Variants in ZDHHC2 observed in about 807,000 individuals in gnomAD.
ZDHHC2 encodes palmitoyltransferase ZDHHC2.
ZDHHC2 carries 51 observed loss-of-function variants against 55.6 expected under a neutral mutation model. The ratio of observed to expected loss-of-function variants is 0.92; its 90% CI spans 0.73 to 1.16. ZDHHC2 has a LOEUF of 1.16. Among genes scored for constraint, ZDHHC2 ranks in the 50% most tolerant of loss-of-function variants. The pLI is 0.00. For synonymous variants in ZDHHC2, 199 were observed against 152.9 expected (o/e 1.30, Z -2.22); for missense variants, 491 against 442.4 (o/e 1.11, Z -0.99).
Position 17,215,295 on chromosome 8 carries a change from A to C in ZDHHC2, c.1009A>C (p.Thr337Pro), listed in dbSNP as rs1380274582. 14 of 1,601,134 alleles carry C rather than the reference A, an allele frequency of 8.7e-6. No homozygotes were observed. Among genetic ancestry groups the C allele is most frequent in the Non-Finnish European group, 1.7e-6 (2 of 1,173,778 alleles). The change falls in exon 11 of 13, where the codon ACT becomes CCT. Residue 337 changes from threonine to proline, a missense_variant. Transcript: ENST00000262096. ...PLRESQSHLL[T>P]DSQSWTESSI... ...GAGAGAGTCCCAGAGCCACCTTCTT[A>C]CTGATTCTCAGTCTTGGACGGAGAG...
At chr8:17,201,441 A>T (rs1806757275) in intron 6 of ZDHHC2, among the ~76,000 whole-genome samples, 1 of 122,572 alleles carries the variant, frequency 8.2e-6, no homozygotes, top group South Asian at 3.0e-4. Context: ...GACTTTTAGG[A>T]TGTTTTCAGA....
At chr8:17,188,273 G>A (rs944986011) in intron 3 of ZDHHC2, among the ~76,000 whole-genome samples, 1 of 152,016 alleles carries the variant, frequency 6.6e-6, no homozygotes, top group African/African-American at 2.4e-5. Context: ...AAGCTGGAGT[G>A]GTCCTCCTAA....
chr8:17,165,339 A>G (rs1349775215), intron 1 of ZDHHC2, among the ~76,000 whole-genome samples: 2 of 152,224 alleles, frequency 1.3e-5, no homozygotes, highest in African/African-American at 4.8e-5. Flanking sequence ...GGGCATCTTC[A>G]GAGAGGTCAG....
At chr8:17,164,305 C>T (rs1025321378) in intron 1 of ZDHHC2, among the ~76,000 whole-genome samples, 1 of 152,138 alleles carries the variant, frequency 6.6e-6, no homozygotes, top group Non-Finnish European at 1.5e-5. Context: ...CTGCATTTCT[C>T]GTCTTAGCAC....
rs1563175739 is a variant in ZDHHC2 at position 17,221,729 on chromosome 8, TG to T, written c.*1509del. ...AGCCAAGTCCATTTTATAGTTTGAG[TG>T]CAATTCTTTGAACAATAGAAATATC... On this transcript the variant is annotated 3_prime_UTR_variant, in exon 13 of 13. Transcript: ENST00000262096. 1 of 152,526 alleles carries T rather than the reference TG, an allele frequency of 6.6e-6. No individual in the cohort carries two copies. The highest frequency in any genetic ancestry group is 1.5e-5 in the Non-Finnish European group (1 of 67,930). The allele number at this position is 152,526 out of a possible 1,614,324, so 9.4% of individuals were successfully genotyped here.
At chr8:17,208,158 C>G in intron 8 of ZDHHC2, 66 bp downstream of exon 8, 2 of 1,421,878 alleles carry the variant, frequency 1.4e-6, no homozygotes, top group Non-Finnish European at 1.9e-6. Flanking sequence ...TTGACAGTTG[C>G]TATGTGATTA....
intron 6 of ZDHHC2, among the ~76,000 whole-genome samples, chr8:17,200,137 CA>C (rs1021361472): frequency 6.6e-6 from 1 of 152,146 alleles, no homozygotes; most frequent in African/African-American, 2.4e-5. Context: ...CCCCATGACC[CA>C]CCTGCTGAAT....
At chr8:17,164,884 G>A (rs1194917341) in intron 1 of ZDHHC2, among the ~76,000 whole-genome samples, 1 of 152,194 alleles carries the variant, frequency 6.6e-6, no homozygotes, top group Admixed American at 6.5e-5. Context: ...TGAAGGGTAT[G>A]TGACATGGAG....
At position 17,198,362 on chromosome 8, in the gene ZDHHC2, G is replaced by A; in HGVS notation, c.444-19G>A. ...AATTTCATGGGGTATTAGGTTTTGTGTTCTGCTTTGTTTTTTAGATGTATT... is the reference window on the plus strand; with the variant it reads ...AATTTCATGGGGTATTAGGTTTTGTATTCTGCTTTGTTTTTTAGATGTATT... On this transcript the variant is annotated intron_variant, in intron 5 of 12. Coordinates refer to ENST00000262096, the MANE Select transcript of ZDHHC2 (RefSeq NM_016353.5). 6.3e-7 allele frequency: 1 copy of A among 1,597,466 alleles called. No individual in the cohort carries two copies. The highest frequency in any genetic ancestry group is 8.5e-7 in the Non-Finnish European group (1 of 1,172,508).
At chr8:17,201,164 T>G (rs1433919292) in intron 6 of ZDHHC2, among the ~76,000 whole-genome samples, 1 of 152,196 alleles carries the variant, frequency 6.6e-6, no homozygotes, top group Non-Finnish European at 1.5e-5. Context: ...CCAGTCCCTC[T>G]CCCCACCTTC....
intron 3 of ZDHHC2, among the ~76,000 whole-genome samples, chr8:17,188,916 T>C (rs896947375): frequency 2.0e-5 from 3 of 152,150 alleles, no homozygotes; most frequent in Non-Finnish European, 4.4e-5. Flanking sequence ...GTGTCATCCT[T>C]GGCTACTCTT....
chr8:17,162,212 T>A lies in ZDHHC2; in HGVS notation c.130+5359T>A, dbSNP rs1804382314. ...AGCATTACTATTTGCTATTAAACCC[T>A]ATTAGAGAAAAACATTTAAGGCAAT... On this transcript the variant is annotated intron_variant, in intron 1 of 12. Transcript: ENST00000262096. 3.3e-5 allele frequency among the ~76,000 whole-genome samples: 5 copies of A among 152,218 alleles called. 1 individual carries two copies. In the South Asian group the frequency reaches 1.0e-3, roughly 32 times the overall value.
chr8:17,197,667 ACTT>A lies in ZDHHC2; in HGVS notation c.443+19_443+21del, dbSNP rs766417844. The A allele has an allele frequency of 9.1e-5, 147 of 1,606,914 alleles. No homozygotes were observed. Among genetic ancestry groups the A allele is most frequent in the Non-Finnish European group, 1.2e-4 (137 of 1,175,926 alleles). On this transcript the variant is annotated intron_variant, in intron 5 of 12. Coordinates refer to ENST00000262096, the MANE Select transcript of ZDHHC2 (RefSeq NM_016353.5). ...TCTGTGATAAGTAAGAGAACCTTTA[ACTT>A]CTAAAATATCTACATGCTGGTGGTC...
intron 5 of ZDHHC2, 102 bp from the exon 6 acceptor site, chr8:17,198,279 C>T (rs1428145270): frequency 5.4e-6 from 6 of 1,109,256 alleles, no homozygotes; most frequent in Admixed American, 3.5e-5. Flanking sequence ...CAATATTTTA[C>T]TTGCCGCAGC....
Position 17,220,976 on chromosome 8 carries a change from G to A in ZDHHC2, c.*755G>A, listed in dbSNP as rs935948876. 2 of 152,108 alleles carry A rather than the reference G, an allele frequency of 1.3e-5. No homozygotes were observed. The highest frequency in any genetic ancestry group is 6.6e-5 in the Admixed American group (1 of 15,262). The allele number at this position is 152,108 out of a possible 1,614,324, so 9.4% of individuals were successfully genotyped here. Reference sequence around the variant, plus strand: ...TTCATCTCTTCTTGTTAAATTGGGAGGAAATTTATGATAGCAATTATGAAG... The same window carrying A: ...TTCATCTCTTCTTGTTAAATTGGGAAGAAATTTATGATAGCAATTATGAAG... On this transcript the variant is annotated 3_prime_UTR_variant, in exon 13 of 13. Transcript: ENST00000262096.
intron 1 of ZDHHC2, among the ~76,000 whole-genome samples, chr8:17,170,874 C>T (rs1478808497): frequency 6.6e-6 from 1 of 152,174 alleles, no homozygotes; most frequent in Non-Finnish European, 1.5e-5. Flanking sequence ...AATACATCCA[C>T]ACATATATAA....
At chr8:17,166,532 C>T (rs928156330) in intron 1 of ZDHHC2, among the ~76,000 whole-genome samples, 2 of 152,026 alleles carry the variant, frequency 1.3e-5, no homozygotes, top group Admixed American at 6.6e-5. Flanking sequence ...GGAATAAATT[C>T]GGGAGTCTTC....
intron 12 of ZDHHC2, among the ~76,000 whole-genome samples, chr8:17,218,301 T>C (rs1807745399): frequency 6.6e-6 from 1 of 152,216 alleles, no homozygotes; most frequent in Admixed American, 6.5e-5. Context: ...AATGTAATTT[T>C]AGAGTATAGC....
At chr8:17,219,578 G>A (rs1211038544) in intron 12 of ZDHHC2, among the ~76,000 whole-genome samples, 1 of 151,986 alleles carries the variant, frequency 6.6e-6, no homozygotes, top group Non-Finnish European at 1.5e-5. Context: ...GCAACATGGT[G>A]AAACCCCGTC....
Sources: gnomAD v4.1 joint callset for allele counts (sites outside exome capture counted in the v4.1 genomes callset) on GRCh38, gnomAD v4.1.1 for gene constraint, MANE v1.5 for transcripts, NCBI Gene and HGNC (gene_info 2026-07-23, HGNC 2026-07-21) for gene names.